The following REDIC1 variants were observed in gnomAD, a reference collection of about 807,000 sequenced individuals.
The protein encoded by REDIC1 is HEI10 Interacting Protein 1.
the REDIC1 span, among the ~76,000 whole-genome samples, chr12:39,644,531 A>C: frequency 1.7e-4 from 26 of 152,028 alleles, no homozygotes; most frequent in African/African-American, 6.0e-4. Flanking sequence ...ATGAGAGCAT[A>C]AAAATAAGAC....
the REDIC1 span, among the ~76,000 whole-genome samples, chr12:39,712,664 T>C: frequency 4.9e-5 from 7 of 144,140 alleles, no homozygotes; most frequent in Non-Finnish European, 9.2e-5. Context: ...TATATGTATG[T>C]ATACATGTGT....
At chr12:39,883,808 T>A in the REDIC1 span, among the ~76,000 whole-genome samples, 1 of 152,188 alleles carries the variant, frequency 6.6e-6, no homozygotes, top group East Asian at 1.9e-4. Context: ...TCTGAATCTC[T>A]ACGGAATCAC....
chr12:39,740,061 A>AG, the REDIC1 span, among the ~76,000 whole-genome samples: 11 of 152,350 alleles, frequency 7.2e-5, no homozygotes, highest in East Asian at 1.7e-3. Context: ...GTCATGCATT[A>AG]GTGATATTAG....
the REDIC1 span, among the ~76,000 whole-genome samples, chr12:39,703,186 C>T: frequency 6.6e-6 from 1 of 152,078 alleles, no homozygotes; most frequent in African/African-American, 2.4e-5. Context: ...TAGACAACCC[C>T]ATTGTCTCAG....
chr12:39,875,110 G>A, the REDIC1 span, among the ~76,000 whole-genome samples: 13 of 152,198 alleles, frequency 8.5e-5, no homozygotes, highest in Non-Finnish European at 8.8e-5. Flanking sequence ...CAAGGTTAGT[G>A]ACTTTAAAAC....
the REDIC1 span, chr12:39,829,755 T>C: frequency 3.8e-6 from 1 of 260,656 alleles, no homozygotes; most frequent in Non-Finnish European, 7.5e-6. Context: ...TTTTCTTTCA[T>C]TTAAAAGCTT....
chr12:39,772,134 C>T, the REDIC1 span, among the ~76,000 whole-genome samples: 1 of 152,064 alleles, frequency 6.6e-6, no homozygotes, highest in East Asian at 1.9e-4. Flanking sequence ...TAATATACTC[C>T]TTCTTCTACG....
chr12:39,766,201 T>C, the REDIC1 span, among the ~76,000 whole-genome samples: 7 of 152,100 alleles, frequency 4.6e-5, no homozygotes, highest in Non-Finnish European at 1.0e-4. Context: ...AGTATTCGTT[T>C]ACCTCACTGC....
the REDIC1 span, among the ~76,000 whole-genome samples, chr12:39,643,522 T>C: frequency 1.3e-5 from 2 of 151,690 alleles, no homozygotes; most frequent in South Asian, 4.1e-4. Context: ...TTCTAATCTT[T>C]TGATTTCAGA....
At chr12:39,896,334 ATG>A in the REDIC1 span, among the ~76,000 whole-genome samples, 2 of 141,138 alleles carry the variant, frequency 1.4e-5, no homozygotes, top group Non-Finnish European at 3.1e-5. Context: ...ATGTGTATAT[ATG>A]TATACATATA....
the REDIC1 span, among the ~76,000 whole-genome samples, chr12:39,844,015 T>C: frequency 2.0e-5 from 3 of 151,906 alleles, no homozygotes; most frequent in African/African-American, 7.2e-5. Context: ...CCAAAAAGGA[T>C]AAATAAAAAT....
At chr12:39,878,818 GA>G in the REDIC1 span, among the ~76,000 whole-genome samples, 25 of 152,354 alleles carry the variant, frequency 1.6e-4, no homozygotes, top group Non-Finnish European at 2.9e-5. Flanking sequence ...TAACTAAAAG[GA>G]AGCCAGGTGC....
chr12:39,733,082 C>CAA, the REDIC1 span, among the ~76,000 whole-genome samples: 2 of 151,696 alleles, frequency 1.3e-5, no homozygotes, highest in Non-Finnish European at 2.9e-5. Flanking sequence ...CACACACACA[C>CAA]ACACACACAC....
the REDIC1 span, among the ~76,000 whole-genome samples, chr12:39,896,404 A>G: frequency 7.1e-6 from 1 of 141,572 alleles, no homozygotes; most frequent in African/African-American, 2.7e-5. Flanking sequence ...ATATATGTAT[A>G]CATATATGTA....
At chr12:39,669,726 G>T in the REDIC1 span, among the ~76,000 whole-genome samples, 1 of 152,202 alleles carries the variant, frequency 6.6e-6, no homozygotes, top group African/African-American at 2.4e-5. Flanking sequence ...TGGCTGCTTT[G>T]TTTACCTACT....
At chr12:39,688,758 A>G in the REDIC1 span, among the ~76,000 whole-genome samples, 3 of 152,160 alleles carry the variant, frequency 2.0e-5, no homozygotes, top group Non-Finnish European at 4.4e-5. Flanking sequence ...AGTAAGGATG[A>G]AATGAGAGAA....
chr12:39,718,637 G>T, the REDIC1 span, among the ~76,000 whole-genome samples: 1 of 151,810 alleles, frequency 6.6e-6, no homozygotes, highest in African/African-American at 2.4e-5. Context: ...CCTGGTGCTT[G>T]CTTCCCTTCC....
the REDIC1 span, among the ~76,000 whole-genome samples, chr12:39,697,659 T>G: frequency 1.3e-5 from 2 of 152,212 alleles, no homozygotes; most frequent in East Asian, 3.8e-4. Context: ...TTGCTCATTT[T>G]TTTATGCAAA....
the REDIC1 span, among the ~76,000 whole-genome samples, chr12:39,832,374 A>C: frequency 6.6e-6 from 1 of 152,154 alleles, no homozygotes; most frequent in Non-Finnish European, 1.5e-5. Context: ...TTTGCAGAGA[A>C]ATTATTCTCA....
Sources: gnomAD v4.1 joint callset for allele counts (sites outside exome capture counted in the v4.1 genomes callset) on GRCh38, gnomAD v4.1.1 for gene constraint, MANE v1.5 for transcripts, NCBI Gene and HGNC (gene_info 2026-07-23, HGNC 2026-07-21) for gene names.